MSH3: variants seen among roughly 807,000 people sequenced by gnomAD.
MSH3 encodes the protein mutS homolog 3.
Under a neutral mutation model 123.3 loss-of-function variants are expected in MSH3, and 106 were observed. The observed-to-expected ratio is 0.86, with a 90% CI of 0.73 to 1.01. The LOEUF (loss-of-function observed/expected upper bound fraction) is 1.01. Among genes scored for constraint, MSH3 ranks in the 50% least tolerant of loss-of-function variants. The probability of loss-of-function intolerance (pLI) is 0.00; values close to 1 mark genes in which losing one functional copy is unlikely to be tolerated. For missense variants in MSH3, 1,459 were observed against 1,347.6 expected (o/e 1.08, Z -1.29); for synonymous variants, 515 against 481.4 (o/e 1.07, Z -0.91).
intron 8 of MSH3, among the ~76,000 whole-genome samples, chr5:80,695,998 T>C (rs1042495907): frequency 1.6e-4 from 25 of 152,196 alleles, no homozygotes; most frequent in African/African-American, 5.3e-4. Flanking sequence ...TGCCTCCTTA[T>C]TGCCAGGTGG....
At chr5:80,814,276 A>G (rs1239166667) in intron 20 of MSH3, among the ~76,000 whole-genome samples, 1 of 151,814 alleles carries the variant, frequency 6.6e-6, no homozygotes, top group Non-Finnish European at 1.5e-5. Context: ...TTTATTTATT[A>G]TTATTATTAT....
chr5:80,691,968 T>C (rs924420759), intron 8 of MSH3, among the ~76,000 whole-genome samples: 1 of 79,082 alleles, frequency 1.3e-5, no homozygotes, highest in African/African-American at 6.0e-5. Flanking sequence ...CATGTATATG[T>C]TTATATAGAT....
At chr5:80,839,561 G>C (rs1005638982) in intron 20 of MSH3, among the ~76,000 whole-genome samples, 1 of 152,040 alleles carries the variant, frequency 6.6e-6, no homozygotes, top group African/African-American at 2.4e-5. Context: ...TGGGAAAGAA[G>C]GATTGATTAT....
intron 12 of MSH3, among the ~76,000 whole-genome samples, chr5:80,747,906 A>G (rs751940594): frequency 3.9e-5 from 6 of 152,200 alleles, no homozygotes; most frequent in Non-Finnish European, 8.8e-5. Context: ...ACAGAATGAC[A>G]AAATTGTCTA....
At chr5:80,777,807 C>A (rs1442333346) in intron 16 of MSH3, among the ~76,000 whole-genome samples, 2 of 152,104 alleles carry the variant, frequency 1.3e-5, no homozygotes, top group African/African-American at 4.8e-5. Flanking sequence ...AAAGACCAGA[C>A]ACCTTGACCT....
intron 20 of MSH3, among the ~76,000 whole-genome samples, chr5:80,841,144 G>A (rs1335071732): frequency 6.6e-6 from 1 of 152,040 alleles, no homozygotes; most frequent in Non-Finnish European, 1.5e-5. Context: ...CTATGAGTGA[G>A]AACATGCAGT....
intron 20 of MSH3, among the ~76,000 whole-genome samples, chr5:80,818,880 T>A (rs1213985223): frequency 1.3e-5 from 2 of 152,238 alleles, no homozygotes; most frequent in South Asian, 2.1e-4. Flanking sequence ...TGGATTTTTT[T>A]ATAAGTTTTT....
At chr5:80,729,347 T>C (rs1361587193) in intron 10 of MSH3, among the ~76,000 whole-genome samples, 2 of 136,678 alleles carry the variant, frequency 1.5e-5, no homozygotes, top group Non-Finnish European at 3.0e-5. Flanking sequence ...CCCAGGGAGG[T>C]GGAGCCTGCA....
At chr5:80,779,550 A>ATT (rs750366394) in intron 17 of MSH3, among the ~76,000 whole-genome samples, 18 of 138,232 alleles carry the variant, frequency 1.3e-4, no homozygotes, top group East Asian at 2.1e-4. Flanking sequence ...ATTAACATTA[A>ATT]TTTTTTTTTT....
intron 19 of MSH3, among the ~76,000 whole-genome samples, chr5:80,800,806 A>C (rs1744777872): frequency 6.6e-6 from 1 of 152,216 alleles, no homozygotes; most frequent in Non-Finnish European, 1.5e-5. Flanking sequence ...TCCTGCTCTC[A>C]TGAGAACTTA....
chr5:80,667,472 G>A (rs1249214300), intron 3 of MSH3, among the ~76,000 whole-genome samples: 1 of 152,148 alleles, frequency 6.6e-6, no homozygotes, highest in Non-Finnish European at 1.5e-5. Context: ...GTTTTTACTT[G>A]GGCCTGCTGG....
At chr5:80,726,283 C>G (rs1399237655) in intron 9 of MSH3, among the ~76,000 whole-genome samples, 1 of 152,134 alleles carries the variant, frequency 6.6e-6, no homozygotes, top group Admixed American at 6.6e-5. Flanking sequence ...TCATCCTACT[C>G]CATATGGAGG....
intron 12 of MSH3, among the ~76,000 whole-genome samples, chr5:80,752,329 G>A (rs1003287864): frequency 1.3e-5 from 2 of 151,744 alleles, no homozygotes; most frequent in Non-Finnish European, 2.9e-5. Context: ...AGGGATCAAG[G>A]GAGTAGAAAG....
chr5:80,812,750 G>A (rs1486864803), intron 19 of MSH3, among the ~76,000 whole-genome samples: 2 of 151,850 alleles, frequency 1.3e-5, no homozygotes, highest in African/African-American at 4.8e-5. Flanking sequence ...GTATAGTTGG[G>A]GTTTTGCCAT....
At position 80,778,589 on chromosome 5, in the gene MSH3, GTTC is replaced by G. The variant is rs533949692; in HGVS notation, c.2319-126_2319-124del. The G allele has an allele frequency of 3.6e-4, 253 of 705,364 alleles. No individual in the cohort carries two copies. In the African/African-American group the frequency reaches 3.7e-3, roughly 10 times the overall value. The allele number at this position is 705,364 out of a possible 1,614,324, so 43.7% of individuals were successfully genotyped here. A position where few individuals can be genotyped will look rare whatever the true frequency, so the allele number is the denominator to read the frequency against. ...GAGTTCAGGACCATAATTAAAGAAT[GTTC>G]TTCTGTTTACAGCTGTTTACTTTCA... is the stretch of plus-strand genomic sequence containing the variant. On this transcript the variant is annotated intron_variant, in intron 16 of 23. Coordinates refer to ENST00000265081, the MANE Select transcript of MSH3 (RefSeq NM_002439.5).
At chr5:80,704,540 T>G (rs1362170122) in intron 8 of MSH3, among the ~76,000 whole-genome samples, 1 of 152,184 alleles carries the variant, frequency 6.6e-6, no homozygotes, top group African/African-American at 2.4e-5. Flanking sequence ...TCAGAGGTGC[T>G]AGGCTGTGCT....
intron 17 of MSH3, among the ~76,000 whole-genome samples, chr5:80,779,703 C>G (rs1017103527): frequency 6.6e-6 from 1 of 151,532 alleles, no homozygotes; most frequent in Non-Finnish European, 1.5e-5. Flanking sequence ...GGACTACAGG[C>G]GCACACCGCC....
intron 22 of MSH3, among the ~76,000 whole-genome samples, chr5:80,866,087 C>CTT (rs1746093858): frequency 6.6e-6 from 1 of 152,186 alleles, no homozygotes; most frequent in Non-Finnish European, 1.5e-5. Flanking sequence ...GAAAACTAAC[C>CTT]CAGAGCATTG....
intron 8 of MSH3, among the ~76,000 whole-genome samples, chr5:80,700,977 T>C (rs1750595917): frequency 6.6e-6 from 1 of 152,210 alleles, no homozygotes; most frequent in East Asian, 1.9e-4. Flanking sequence ...TTTTTGTAAA[T>C]ACACCTGTTC....
Sources: allele counts gnomAD v4.1 joint callset (sites outside exome capture counted in the v4.1 genomes callset), GRCh38; gene constraint gnomAD v4.1.1; transcripts MANE v1.5; gene names NCBI Gene and HGNC (gene_info 2026-07-23, HGNC 2026-07-21).